POFUT1: variants seen among roughly 807,000 people sequenced by gnomAD.
POFUT1 encodes the protein GDP-fucose protein O-fucosyltransferase 1.
POFUT1 carries 16 observed loss-of-function variants against 42.4 expected under a neutral mutation model. The observed-to-expected ratio is 0.38, with a 90% CI of 0.26 to 0.57. The LOEUF is 0.57. Ranked by LOEUF, POFUT1 falls within the 20% of genes least tolerant of loss-of-function variation. The pLI is 0.71. For missense variants in POFUT1, 470 were observed against 504.6 expected (o/e 0.93, Z 0.66); for synonymous variants, 206 against 205.4 (o/e 1.00, Z -0.03).
intron 4 of POFUT1, chr20:32,217,222 G>A (rs758556092): frequency 3.2e-4 from 458 of 1,419,080 alleles, no homozygotes; most frequent in Non-Finnish European, 3.9e-4. Flanking sequence ...CGCCTGTCAC[G>A]TGTGAGACAT....
chr20:32,230,786 C>G (rs751907370), intron 5 of POFUT1, 33 bp from the exon 6 acceptor site: 1 of 1,603,692 alleles, frequency 6.2e-7, no homozygotes, highest in Admixed American at 1.7e-5. Context: ...AGGGCAGTTG[C>G]CAGTATTTAA....
chr20:32,214,144 A>G (rs556126250), intron 2 of POFUT1, among the ~76,000 whole-genome samples: 41 of 151,872 alleles, frequency 2.7e-4, no homozygotes, highest in Non-Finnish European at 4.0e-4. Flanking sequence ...TTTTTTTTTG[A>G]GACAGAGTCT....
At position 32,215,319 on chromosome 20, in the gene POFUT1, C is replaced by T. The variant is rs1412030643; in HGVS notation, c.297C>T (p.Tyr99=). 2 of 1,614,114 alleles carry T rather than the reference C, an allele frequency of 1.2e-6. No homozygotes were observed. Among genetic ancestry groups the T allele is most frequent in the Non-Finnish European group, 1.7e-6 (2 of 1,179,992 alleles). Residue 99 remains tyrosine, a synonymous_variant, in exon 3 of 7, where the codon TAC becomes TAT. Coordinates refer to ENST00000375749, the MANE Select transcript of POFUT1 (RefSeq NM_015352.2). ...TCAAGCTGGAGCCCCTCCAGGCTTA[C>T]CATCGGGTCATCAGCTTGGAGGATT... The part of the protein sequence containing the change: ...KYFKLEPLQA[Y]HRVISLEDFM...
intron 6 of POFUT1, chr20:32,231,313 T>A (rs1168725560): frequency 4.1e-6 from 2 of 483,802 alleles, no homozygotes; most frequent in Non-Finnish European, 7.6e-6. Flanking sequence ...ATTTCTTCTC[T>A]CGGGCACTTT....
rs751871832 is a variant in POFUT1, at chr20:32,216,663, T to G, written c.484T>G (p.Ser162Ala). The change falls in exon 4 of 7, where the codon TCG becomes GCG. Residue 162 changes from serine (S) to alanine (A), a missense_variant. Coordinates refer to ENST00000375749, the MANE Select transcript of POFUT1 (RefSeq NM_015352.2). ...TCAGTTTCATGTGAGTTTCAACAAG[T>G]CGGAGCTTTTTACAGGCATTTCCTT... ...WDQFHVSFNK[S>A]ELFTGISFSA... 6.2e-6 allele frequency: 10 copies of G among 1,613,902 alleles called. No individual in the cohort carries two copies. Among genetic ancestry groups the G allele is most frequent in the Non-Finnish European group, 8.5e-6 (10 of 1,179,908 alleles).
At chr20:32,217,457 T>C in intron 4 of POFUT1, 1 of 1,001,300 alleles carries the variant, frequency 1.0e-6, no homozygotes, top group Non-Finnish European at 1.2e-6. Context: ...AGGGCAAAGG[T>C]AAACAGATGT....
chr20:32,227,630 G>A (rs769341776), intron 4 of POFUT1, among the ~76,000 whole-genome samples: 1 of 152,212 alleles, frequency 6.6e-6, no homozygotes, highest in Non-Finnish European at 1.5e-5. Flanking sequence ...CAAGGACAGA[G>A]GTGAAATAAT....
At chr20:32,233,085 G>T (rs1030959245) in intron 6 of POFUT1, among the ~76,000 whole-genome samples, 7 of 152,232 alleles carry the variant, frequency 4.6e-5, no homozygotes, top group African/African-American at 1.7e-4. Context: ...TTTTACTGGG[G>T]CAGGCTCTGT....
At position 32,230,906 on chromosome 20, in the gene POFUT1, G is replaced by A; in HGVS notation, c.823G>A (p.Ala275Thr). 6.2e-7 allele frequency: 1 copy of A among 1,614,238 alleles called. No individual in the cohort carries two copies. The highest frequency in any genetic ancestry group is 8.5e-7 in the Non-Finnish European group (1 of 1,180,042). The change falls in exon 6 of 7, where the codon GCG (alanine) becomes ACG (threonine). Residue 275 changes from alanine to threonine, a missense_variant. Physicochemically the swap from Ala to Thr is moderately conservative, Grantham distance 58. Transcript: ENST00000375749. ...GTGTGTGGGCTACAGCCGCAGCACA[G>A]CGGCCCCCCTCACGATGACTATGTG... ...PQCVGYSRST[A>T]APLTMTMCLP...
chr20:32,220,749 A>G lies in POFUT1; in HGVS notation c.542+4028A>G, dbSNP rs115150331. On this transcript the variant is annotated intron_variant, in intron 4 of 6. Coordinates refer to ENST00000375749, the MANE Select transcript of POFUT1 (RefSeq NM_015352.2). ...CAGAGTGAAACTGTCTCAAAAAAAA[A>G]AAAAAGGCTTGACTGAGCTACATAT... Among the ~76,000 whole-genome samples the G allele has an allele frequency of 3.3e-3, 507 of 152,138 alleles. 2 individuals are homozygous for G. The highest frequency in any genetic ancestry group is 0.012 in the African/African-American group (485 of 41,514).
rs1346305244 is a variant in POFUT1, at chr20:32,210,204, C to T, written c.246+12C>T. On this transcript the variant is annotated intron_variant, in intron 2 of 6. Transcript: ENST00000375749. ...CTCCTTTCACCAACGTGAGTACTTC[C>T]CACTGACCTTGGCCTTTCTCCGCCC... 1.2e-6 allele frequency: 2 copies of T among 1,614,054 alleles called. No homozygotes were observed. Among genetic ancestry groups the T allele is most frequent in the Non-Finnish European group, 1.7e-6 (2 of 1,179,902 alleles).
Position 32,234,416 on chromosome 20 carries a change from T to C in POFUT1, c.979-57T>C, listed in dbSNP as rs2047458468. On this transcript the variant is annotated intron_variant, in intron 6 of 6. Coordinates refer to ENST00000375749, the MANE Select transcript of POFUT1 (RefSeq NM_015352.2). ...CAGGGAATAAGGTTGGGGGTGTGGA[T>C]GGCAGGCCTTGGCCTGTAGCCACCC... The C allele has an allele frequency of 2.1e-6, 3 of 1,462,086 alleles. No individual in the cohort carries two copies. In the South Asian group the frequency reaches 3.9e-5, roughly 19 times the overall value. The allele number at this position is 1,462,086 out of a possible 1,614,324, so 90.6% of individuals were successfully genotyped here.
chr20:32,217,879 A>AAT, intron 4 of POFUT1: 1 of 263,658 alleles, frequency 3.8e-6, no homozygotes, highest in Non-Finnish European at 5.9e-6. Flanking sequence ...TGGACAGCTC[A>AAT]GGTCTGTTTG....
Position 32,234,473 on chromosome 20 carries a change from G to T in POFUT1, c.979G>T (p.Val327Leu), listed in dbSNP as rs1474907777. The change falls in exon 7 of 7, where the codon GTG becomes TTG. Residue 327 changes from valine to leucine, a missense_variant and splice_region_variant. Coordinates refer to ENST00000375749, the MANE Select transcript of POFUT1 (RefSeq NM_015352.2). ...ATATGCTCTGTGCTTCTTCCTGCAG[G>T]TGAAGGTGGTGAGCCTGAAGCCTGA... ...PELQQLFKGKVKVVSLKPEVA... is the reference protein window; with the variant it reads ...PELQQLFKGKLKVVSLKPEVA... The T allele has an allele frequency of 3.7e-6, 6 of 1,601,814 alleles. No individual in the cohort carries two copies. The highest frequency in any genetic ancestry group is 4.3e-6 in the Non-Finnish European group (5 of 1,173,646).
At chr20:32,230,694 C>CA (rs35523833) in intron 5 of POFUT1, 125 bp from the exon 6 acceptor site, 130,607 of 890,622 alleles carry the variant, frequency 0.15, 81 homozygotes, top group Middle Eastern at 0.17. Context: ...GACTCCGTCT[C>CA]AAAAAAAAAA....
chr20:32,217,012 G>A (rs753615464), intron 4 of POFUT1: 3 of 1,613,764 alleles, frequency 1.9e-6, no homozygotes, highest in Admixed American at 1.7e-5. Context: ...CTCTAGGCGT[G>A]AGAATCACTC....
chr20:32,214,241 C>A (rs1017888906), intron 2 of POFUT1, among the ~76,000 whole-genome samples: 4 of 152,144 alleles, frequency 2.6e-5, no homozygotes, highest in Non-Finnish European at 5.9e-5. Flanking sequence ...CCTTCCATCT[C>A]AGCCTCCCTA....
chr20:32,225,511 C>A (rs1299633001), intron 4 of POFUT1, among the ~76,000 whole-genome samples: 1 of 151,824 alleles, frequency 6.6e-6, no homozygotes, highest in Non-Finnish European at 1.5e-5. Context: ...TTTTTTGAGA[C>A]AAGGTCTCAC....
At position 32,237,438 on chromosome 20, in the gene POFUT1, T is replaced by C. The variant is rs1428450680; in HGVS notation, c.*2777T>C. ...GTAAGACCTCTCTGAAGAGCTGTCA[T>C]GAAGGAGGGAGGGAGCACATTCCTG... On this transcript the variant is annotated 3_prime_UTR_variant, in exon 7 of 7. Transcript: ENST00000375749. 5.1e-6 allele frequency: 1 copy of C among 194,750 alleles called. No individual in the cohort carries two copies. The highest frequency in any genetic ancestry group is 1.1e-5 in the Non-Finnish European group (1 of 91,376). The allele number at this position is 194,750 out of a possible 1,614,324, so 12.1% of individuals were successfully genotyped here.
Sources: gnomAD v4.1 joint callset for allele counts (sites outside exome capture counted in the v4.1 genomes callset) on GRCh38, gnomAD v4.1.1 for gene constraint, MANE v1.5 for transcripts, NCBI Gene and HGNC (gene_info 2026-07-23, HGNC 2026-07-21) for gene names.